UBE2Q1: variants seen among roughly 807,000 people sequenced by gnomAD.
The protein encoded by UBE2Q1 is ubiquitin conjugating enzyme E2 Q1.
UBE2Q1 carries 6 observed loss-of-function variants against 60.1 expected under a neutral mutation model. The observed-to-expected ratio is 0.10, with a 90% confidence interval of 0.05 to 0.20. UBE2Q1 has a LOEUF of 0.20. Ranked by LOEUF, UBE2Q1 falls within the 10% of genes least tolerant of loss-of-function variation. The pLI is 1.00. For missense variants in UBE2Q1, 262 were observed against 525.8 expected, an observed-to-expected ratio of 0.50 and a Z score of 4.91; for synonymous variants, 226 against 208.3, an observed-to-expected ratio of 1.09 and a Z score of -0.73.
chr1:154,549,380 A>T lies in UBE2Q1; in HGVS notation c.*1058T>A, dbSNP rs1475742837. 2 of 152,208 alleles carry T rather than the reference A, an allele frequency of 1.3e-5. No individual in the cohort carries two copies. The highest frequency in any genetic ancestry group is 3.8e-4 in the East Asian group (2 of 5,196). 9.4% of individuals were successfully genotyped at this position (152,208 alleles called of 1,614,324 possible). A position where few individuals can be genotyped will look rare whatever the true frequency, so the allele number is the denominator to read the frequency against. ...TGGGAGTGGCTTGAAAGAATCCATAATTTCCCAAGCCAAACAAATTCAGAG... is the reference window on the plus strand; with the variant it reads ...TGGGAGTGGCTTGAAAGAATCCATATTTTCCCAAGCCAAACAAATTCAGAG... On this transcript the variant is annotated 3_prime_UTR_variant, in exon 13 of 13. Coordinates refer to ENST00000292211, the MANE Select transcript of UBE2Q1 (RefSeq NM_017582.7).
chr1:154,554,524 T>C (rs762100244), intron 4 of UBE2Q1: 2 of 439,240 alleles, frequency 4.6e-6, no homozygotes, highest in Non-Finnish European at 8.3e-6. Flanking sequence ...ACCCAGTATT[T>C]GGTTTGAACC....
intron 3 of UBE2Q1, 179 bp from the exon 4 acceptor site, chr1:154,554,964 A>C: frequency 3.2e-6 from 2 of 619,928 alleles, no homozygotes; most frequent in Non-Finnish European, 2.8e-6. Context: ...CTTTGCTACC[A>C]GCCCATTATT....
At chr1:154,557,319 C>A (rs918308306) in intron 1 of UBE2Q1, among the ~76,000 whole-genome samples, 1 of 152,240 alleles carries the variant, frequency 6.6e-6, no homozygotes, top group Non-Finnish European at 1.5e-5. Flanking sequence ...ACCATCACAG[C>A]AGGTAACATC....
intron 12 of UBE2Q1, chr1:154,550,685 G>A (rs559489615): frequency 1.0e-6 from 1 of 985,380 alleles, no homozygotes; most frequent in South Asian, 4.7e-5. Flanking sequence ...AGAGTTAGAT[G>A]AGCTTTTTCA....
chr1:154,550,930 A>G lies in UBE2Q1; in HGVS notation c.1237+8T>C. On this transcript the variant is annotated splice_region_variant and intron_variant, in intron 12 of 12. Transcript: ENST00000292211. ...TCCGAATCTCCTGAGTCCTGGCTCCAGCCTCACCGTTTTTTTCGTGGATCT... is the reference window on the plus strand; with the variant it reads ...TCCGAATCTCCTGAGTCCTGGCTCCGGCCTCACCGTTTTTTTCGTGGATCT... The G allele has an allele frequency of 1.9e-6, 3 of 1,614,120 alleles. No homozygotes were observed. Among genetic ancestry groups the G allele is most frequent in the Non-Finnish European group, 2.5e-6 (3 of 1,179,976 alleles).
At chr1:154,558,098 G>A in intron 1 of UBE2Q1, 129 bp downstream of exon 1, 5 of 696,368 alleles carry the variant, frequency 7.2e-6, no homozygotes. Flanking sequence ...AATGTAACCT[G>A]GAGAGAAAGA....
intron 1 of UBE2Q1, among the ~76,000 whole-genome samples, chr1:154,557,411 G>A (rs1273575991): frequency 1.3e-5 from 2 of 152,244 alleles, no homozygotes; most frequent in Non-Finnish European, 2.9e-5. Flanking sequence ...GGATGTCTGA[G>A]GGTAGACCAG....
At chr1:154,551,748 C>T (rs1422341922) in intron 10 of UBE2Q1, 23 bp downstream of exon 10, 4 of 1,614,110 alleles carry the variant, frequency 2.5e-6, no homozygotes, top group Non-Finnish European at 3.4e-6. Flanking sequence ...GCCGGCCTGG[C>T]CAAGGAGGAG....
rs1557845239 is a variant in UBE2Q1, at chr1:154,553,424, G to A, written c.589-252C>T. On this transcript the variant is annotated intron_variant, in intron 4 of 12. Transcript: ENST00000292211. ...CGGAAACGAGCAGAGCTGCAGCTGA[G>A]ATCGAGGCAGGGACTTAGCCCTCTT... 2.0e-5 allele frequency among the ~76,000 whole-genome samples: 3 copies of A among 152,356 alleles called. No individual in the cohort carries two copies. In the East Asian group the frequency reaches 5.8e-4, roughly 29 times the overall value.
Position 154,558,356 on chromosome 1 carries a change from C to T in UBE2Q1, c.198G>A (p.Leu66=). ...GCAGGAACTCGCAGCTCAGCTCGTC[C>T]AGGCAGGCGCTGGCAATGCGGAAGC... ...HERFRIASAC[L]DELSCEFLLA... is the part of the protein sequence containing the mutation. Residue 66 remains leucine (L), a synonymous_variant, in exon 1 of 13, where the codon CTG becomes CTA. Transcript: ENST00000292211. 1 of 1,559,246 alleles carries T rather than the reference C, an allele frequency of 6.4e-7. No individual in the cohort carries two copies. The highest frequency in any genetic ancestry group is 1.4e-5 in the African/African-American group (1 of 72,870).
At chr1:154,556,655 G>A (rs772128678) in intron 1 of UBE2Q1, among the ~76,000 whole-genome samples, 5 of 152,194 alleles carry the variant, frequency 3.3e-5, no homozygotes, top group Non-Finnish European at 7.3e-5. Flanking sequence ...CCTGAGCCAC[G>A]GTGCCAAATG....
Position 154,558,302 on chromosome 1 carries a change from C to A in UBE2Q1, c.252G>T (p.Gly84=). The A allele has an allele frequency of 6.3e-7, 1 of 1,583,074 alleles. No individual in the cohort carries two copies. The highest frequency in any genetic ancestry group is 1.1e-5 in the South Asian group (1 of 87,536). ...GGGGGAGATGCGGTCCGGGCGCGGC[C>A]CCCGCCCCGGCCCCTCCGGCCCCAG... ...LLAGAGGAGA[G]AAPGPHLPPR... The change falls in exon 1 of 13, where the codon GGG becomes GGT. Residue 84 remains glycine, a synonymous_variant. Transcript: ENST00000292211.
intron 12 of UBE2Q1, chr1:154,550,674 G>A (rs901443541): frequency 6.1e-6 from 6 of 985,264 alleles, no homozygotes; most frequent in African/African-American, 1.7e-5. Flanking sequence ...GAGATGATGG[G>A]AGAGTTAGAT....
chr1:154,552,247 C>T (rs908666044), intron 7 of UBE2Q1, 64 bp from the exon 8 acceptor site: 6 of 1,599,102 alleles, frequency 3.8e-6, no homozygotes, highest in African/African-American at 1.3e-5. Context: ...TAAGGGCTCC[C>T]CTGCCCTGGC....
intron 2 of UBE2Q1, 39 bp downstream of exon 2, chr1:154,555,821 A>C: frequency 6.3e-7 from 1 of 1,591,672 alleles, no homozygotes; most frequent in Non-Finnish European, 8.6e-7. Flanking sequence ...CATGGGCCTC[A>C]TAAGAACAAA....
At chr1:154,551,697 G>A (rs772555061) in intron 10 of UBE2Q1, 74 bp downstream of exon 10, 35 of 1,590,604 alleles carry the variant, frequency 2.2e-5, no homozygotes, top group Middle Eastern at 3.5e-4. Flanking sequence ...CACCCAGCCC[G>A]TAGGGGTGTG....
chr1:154,551,926 A>C lies in UBE2Q1; in HGVS notation c.1020T>G (p.Ser340=). The part of the protein sequence containing the change: ...PFVRVVSPVL[S]GGYVLGGGAI... ...TCCGCATGCCAGCCACTCACCCTCC[A>C]GAGAGGACTGGAGACACAACCCTGA... is the stretch of plus-strand genomic sequence containing the variant. The change falls in exon 9 of 13, where the codon TCT becomes TCG. Residue 340 remains serine, a synonymous_variant. Coordinates refer to ENST00000292211, the MANE Select transcript of UBE2Q1 (RefSeq NM_017582.7). 6.2e-7 allele frequency: 1 copy of C among 1,614,152 alleles called. No homozygotes were observed. Among genetic ancestry groups the C allele is most frequent in the Non-Finnish European group, 8.5e-7 (1 of 1,180,014 alleles).
chr1:154,554,121 C>T (rs1695842624), intron 4 of UBE2Q1, among the ~76,000 whole-genome samples: 1 of 152,210 alleles, frequency 6.6e-6, no homozygotes, highest in African/African-American at 2.4e-5. Flanking sequence ...TTACCACCAT[C>T]ACTCATTATT....
chr1:154,554,925 C>G (rs570704217), intron 3 of UBE2Q1, 140 bp from the exon 4 acceptor site: 51 of 806,960 alleles, frequency 6.3e-5, no homozygotes, highest in African/African-American at 2.4e-4. Context: ...CCAGCCAGAT[C>G]TGAGTGGAAG....
Sources: allele counts gnomAD v4.1 joint callset (sites outside exome capture counted in the v4.1 genomes callset), GRCh38; gene constraint gnomAD v4.1.1; transcripts MANE v1.5; gene names NCBI Gene and HGNC (gene_info 2026-07-23, HGNC 2026-07-21).